Variants in UBR4 observed in about 807,000 individuals in gnomAD.
The protein encoded by UBR4 is E3 ubiquitin-protein ligase UBR4.
A neutral mutation model predicts 575.6 loss-of-function variants in UBR4; 124 were observed. That is an observed-to-expected ratio of 0.22 (90% CI 0.19 to 0.25). UBR4 has a LOEUF of 0.25. UBR4 is among the 10% of genes least tolerant of loss of function. UBR4 has a pLI of 1.00. For synonymous variants in UBR4, 2,455 were observed against 2,473.7 expected, an observed-to-expected ratio of 0.99 and a Z score of 0.22; for missense variants, 4,818 against 6,478.8, an observed-to-expected ratio of 0.74 and a Z score of 8.80.
chr1:19,132,605 TAAAAAA>T lies in UBR4; in HGVS notation c.8907-3537_8907-3532del. On this transcript the variant is annotated intron_variant, in intron 60 of 105. Coordinates refer to ENST00000375254, the MANE Select transcript of UBR4 (RefSeq NM_020765.3). ...ACAACAAAAAAAAAGTAAAAAATGG[TAAAAAA>T]AAAAAAAAAAAAAAGTAAGTAAAAG... Among the ~76,000 whole-genome samples, 27 of 24,096 alleles carry T rather than the reference TAAAAAA, an allele frequency of 1.1e-3. 2 individuals carry two copies. Among genetic ancestry groups the T allele is most frequent in the Admixed American group, 2.0e-3 (4 of 1,978 alleles). The allele number at this position is 24,096 out of a possible 152,430, so 15.8% of individuals were successfully genotyped here.
Position 19,161,095 on chromosome 1 carries a change from G to T in UBR4, c.5228C>A (p.Ser1743Ter). 1 of 1,614,066 alleles carries T rather than the reference G, an allele frequency of 6.2e-7. No homozygotes were observed. The highest frequency in any genetic ancestry group is 1.1e-5 in the South Asian group (1 of 91,060). Residue 1743 changes from serine to a stop codon, truncating the protein, a stop_gained, in exon 38 of 106, where the codon TCG (serine) becomes TAG (stop). Transcript: ENST00000375254. LOFTEE classifies it high-confidence loss of function. The stretch of plus-strand genomic sequence containing the variant: ...AATCCTGGGTTCACTCTGAAATGCC[G>T]ACTCCTTCATGGTAGAGCTCATGCC... ...SSGMSSTMKESAFQSEPRISE... is the reference protein window; with the variant it reads ...SSGMSSTMKE
At chr1:19,115,193 GCACATGCA>G (rs777036962) in intron 74 of UBR4, among the ~76,000 whole-genome samples, 197 bp downstream of exon 74, 100 of 73,696 alleles carry the variant, frequency 1.4e-3, no homozygotes, top group East Asian at 0.013. Flanking sequence ...ACACTCGTGT[GCACATGCA>G]CACACACACA....
intron 3 of UBR4, 137 bp from the exon 4 acceptor site, chr1:19,199,065 G>A: frequency 3.1e-6 from 3 of 966,794 alleles, no homozygotes; most frequent in Non-Finnish European, 4.5e-6. Flanking sequence ...ACTGCAAGCT[G>A]ATGTCCTTAG....
At position 19,104,602 on chromosome 1, in the gene UBR4, G is replaced by T; in HGVS notation, c.12710C>A (p.Ala4237Asp). ...TLSTDLQQGY[A>D]LKSLTGLLSS... ...CTCTTTACCTGTGAGACTTTTAAGG[G>T]CATAACCCTGCTGCAGATCGGTACT... Residue 4237 changes from alanine (A) to aspartate (D), a missense_variant, in exon 86 of 106, where the codon GCC becomes GAC. Physicochemically the swap from Ala to Asp is moderately radical, Grantham distance 126 (BLOSUM62 -2). Transcript: ENST00000375254. The T allele has an allele frequency of 6.2e-7, 1 of 1,614,080 alleles. No individual in the cohort carries two copies. The highest frequency in any genetic ancestry group is 8.5e-7 in the Non-Finnish European group (1 of 1,179,992).
chr1:19,078,276 C>A, intron 103 of UBR4: 1 of 513,740 alleles, frequency 1.9e-6, no homozygotes, highest in South Asian at 2.2e-5. Context: ...AAAAATGCTC[C>A]ATGAAATTCA....
At chr1:19,160,041 C>T (rs1172177389) in intron 39 of UBR4, 70 bp downstream of exon 39, 4 of 1,567,014 alleles carry the variant, frequency 2.6e-6, no homozygotes, top group Non-Finnish European at 3.5e-6. Flanking sequence ...GAGCATCTAG[C>T]ACATTTTGGG....
intron 55 of UBR4, among the ~76,000 whole-genome samples, chr1:19,143,228 A>AAGGC (rs2084225588): frequency 9.3e-5 from 10 of 107,934 alleles, no homozygotes; most frequent in African/African-American, 2.7e-4. Flanking sequence ...GGAAGGAAGG[A>AAGGC]AGGAAGGCAG....
Position 19,197,986 on chromosome 1 carries a change from C to T in UBR4, c.712G>A (p.Val238Met). The T allele has an allele frequency of 6.2e-7, 1 of 1,614,172 alleles. No homozygotes were observed. Among genetic ancestry groups the T allele is most frequent in the Non-Finnish European group, 8.5e-7 (1 of 1,180,042 alleles). Residue 238 changes from valine (V) to methionine (M), a missense_variant, in exon 6 of 106, where the codon GTG (valine) becomes ATG (methionine). Transcript: ENST00000375254. ...DQASAIKTKN[V>M]FIAQNVASLQ... ...CTAGCCACGTTCTGAGCTATGAACA[C>T]ATTCTTGGTTTTGATAGCTGAGGCT...
In UBR4 at chr1:19,110,919, A is replaced by C; in HGVS notation, c.11802-87T>G. ...CCTGAAGGGGCCCAGGGAAAATGAA[A>C]TCAATGTCTAAGGCTACCTGGCCCC... On this transcript the variant is annotated intron_variant, in intron 78 of 105. Transcript: ENST00000375254. This position sits in a 1 kb window ranked among gnomAD's most constrained non-coding sequence, Gnocchi z 4.5. 2 of 1,370,602 alleles carry C rather than the reference A, an allele frequency of 1.5e-6. No individual in the cohort carries two copies. Among genetic ancestry groups the C allele is most frequent in the Non-Finnish European group, 2.0e-6 (2 of 993,914 alleles). 84.9% of individuals were successfully genotyped at this position (1,370,602 alleles called of 1,614,324 possible).
Position 19,109,944 on chromosome 1 carries a change from C to T in UBR4, c.12105+152G>A, listed in dbSNP as rs902837822. ...CCTTCTCAAAAATCCCAACCCATAT[C>T]TGCTGAACTAAGGCAAAGGCTGCAC... is the stretch of plus-strand genomic sequence containing the variant. On this transcript the variant is annotated intron_variant, in intron 81 of 105. Coordinates refer to ENST00000375254, the MANE Select transcript of UBR4 (RefSeq NM_020765.3). 37 of 1,165,320 alleles carry T rather than the reference C, an allele frequency of 3.2e-5. No homozygotes were observed. The East Asian group carries it at 8.9e-4, about 28-fold the overall frequency. The allele number at this position is 1,165,320 out of a possible 1,614,324, so 72.2% of individuals were successfully genotyped here.
Position 19,100,368 on chromosome 1 carries a change from G to T in UBR4, c.13221+8C>A. The T allele has an allele frequency of 6.2e-7, 1 of 1,613,984 alleles. No homozygotes were observed. Among genetic ancestry groups the T allele is most frequent in the Non-Finnish European group, 8.5e-7 (1 of 1,180,014 alleles). ...TAAACGTGGGCAGCACTGTCCTATG[G>T]TCATTACCTCCATGCCACTGTCATC... is the stretch of plus-strand genomic sequence containing the variant. On this transcript the variant is annotated splice_region_variant and intron_variant, in intron 89 of 105. Coordinates refer to ENST00000375254, the MANE Select transcript of UBR4 (RefSeq NM_020765.3). This position sits in a 1 kb window ranked among gnomAD's most constrained non-coding sequence, Gnocchi z 4.2.
In UBR4 at chr1:19,187,166, T is replaced by G. The variant is rs754823040; in HGVS notation, c.1630A>C (p.Lys544Gln). ...LLTLLSTSYR[K>Q]ACVLQRQRKG... ...TCAATGGCTTAACTCCCACCCACCT[T>G]TCTGTAGGAAGTTGAAAGTAACGTC... The change falls in exon 13 of 106, where the codon AAG becomes CAG. Residue 544 changes from lysine (K) to glutamine (Q), a missense_variant and splice_region_variant. By Grantham distance (53) the Lys-to-Gln change is moderately conservative. Transcript: ENST00000375254. 2 of 1,608,056 alleles carry G rather than the reference T, an allele frequency of 1.2e-6. No individual in the cohort carries two copies. Among genetic ancestry groups the G allele is most frequent in the East Asian group, 2.2e-5 (1 of 44,716 alleles).
At chr1:19,105,321 AACAGCATCCAAG>A in intron 84 of UBR4, 132 bp from the exon 85 acceptor site, 2 of 1,101,720 alleles carry the variant, frequency 1.8e-6, no homozygotes, top group Non-Finnish European at 2.5e-6. Flanking sequence ...AGGGTGGAGG[AACAGCATCCAAG>A]ACAGCTCCAA....
intron 97 of UBR4, among the ~76,000 whole-genome samples, chr1:19,090,425 T>C (rs918563066): frequency 3.3e-5 from 5 of 152,162 alleles, no homozygotes; most frequent in Non-Finnish European, 5.9e-5. Context: ...TTCCCCTGCT[T>C]GGATCTCCAT....
chr1:19,197,364 C>A, intron 7 of UBR4, 99 bp from the exon 8 acceptor site: 1 of 1,523,460 alleles, frequency 6.6e-7, no homozygotes, highest in Non-Finnish European at 8.9e-7. Context: ...CACAGTGGCT[C>A]ACGCCTATAA....
chr1:19,150,440 G>A (rs1370015583), intron 49 of UBR4, 137 bp downstream of exon 49: 12 of 894,202 alleles, frequency 1.3e-5, no homozygotes, highest in Admixed American at 9.9e-5. Context: ...GAATGTGGGC[G>A]AGTTGTATGA....
At chr1:19,127,772 A>G (rs766971750) in intron 62 of UBR4, 33 bp from the exon 63 acceptor site, 137 of 1,572,074 alleles carry the variant, frequency 8.7e-5, no homozygotes, top group Admixed American at 1.5e-4. Context: ...AGAAACCTCT[A>G]CTTACTCGAT....
At chr1:19,137,824 G>A (rs377399399) in intron 60 of UBR4, among the ~76,000 whole-genome samples, 183 bp downstream of exon 60, 7 of 152,260 alleles carry the variant, frequency 4.6e-5, no homozygotes, top group East Asian at 3.9e-4. Context: ...AATATAATTC[G>A]AAGACAAAGA....
chr1:19,127,850 T>G (rs2081989481), intron 62 of UBR4, 111 bp from the exon 63 acceptor site: 2 of 875,272 alleles, frequency 2.3e-6, no homozygotes, highest in East Asian at 2.4e-5. Context: ...TTCCTCAGAT[T>G]GAATCAGACA....
Sources: allele counts gnomAD v4.1 joint callset (sites outside exome capture counted in the v4.1 genomes callset), GRCh38; gene constraint gnomAD v4.1.1; non-coding constraint Gnocchi (gnomAD v3.1); transcripts MANE v1.5; gene names NCBI Gene and HGNC (gene_info 2026-07-23, HGNC 2026-07-21).